The following MMP26 variants were observed in gnomAD, a reference collection of about 807,000 sequenced individuals.
MMP26 encodes matrix metallopeptidase 26, also known as matrix metalloproteinase-26.
A neutral mutation model predicts 31.0 loss-of-function variants in MMP26; 33 were observed. The ratio of observed to expected loss-of-function variants is 1.06; its 90% CI spans 0.81 to 1.42. The LOEUF (loss-of-function observed/expected upper bound fraction) is 1.42, where lower values mean the gene tolerates loss of function less well. Among genes scored for constraint, MMP26 ranks in the 40% most tolerant of loss-of-function variants. The probability of loss-of-function intolerance (pLI) is 0.00; values close to 1 mark genes in which losing one functional copy is unlikely to be tolerated. For synonymous variants in MMP26, 122 were observed against 114.9 expected (o/e 1.06, Z -0.40); for missense variants, 347 against 316.1 (o/e 1.10, Z -0.74).
At chr11:4,775,492 T>C (rs934520799) in intron 2 of MMP26, among the ~76,000 whole-genome samples, 1 of 152,204 alleles carries the variant, frequency 6.6e-6, no homozygotes, top group African/African-American at 2.4e-5. Flanking sequence ...CTCAATGATA[T>C]ATCATATGTA....
intron 2 of MMP26, among the ~76,000 whole-genome samples, chr11:4,825,992 A>G (rs571731961): frequency 6.6e-6 from 1 of 152,240 alleles, no homozygotes; most frequent in South Asian, 2.1e-4. Flanking sequence ...TAGCTTGTTA[A>G]AGAGAGTTAT....
rs1219662371 is a variant in MMP26 at position 4,953,739 on chromosome 11, C to G, written c.-144-34329C>G. 1.6e-4 allele frequency among the ~76,000 whole-genome samples: 20 copies of G among 124,866 alleles called. 4 individuals are homozygous for G. Among genetic ancestry groups the G allele is most frequent in the African/African-American group, 5.4e-4 (20 of 36,724 alleles). 81.9% of individuals were successfully genotyped at this position (124,866 alleles called of 152,430 possible). A position where few individuals can be genotyped will look rare whatever the true frequency, so the allele number is the denominator to read the frequency against. The stretch of plus-strand genomic sequence containing the variant: ...TTGAACAAGTAGAAAGGGTCCAGCT[C>G]ATGTAGGGTCTCGGAATATGTTCTT... On this transcript the variant is annotated intron_variant, in intron 2 of 7. Coordinates refer to ENST00000380390, the MANE Select transcript of MMP26 (RefSeq NM_021801.5).
chr11:4,740,707 A>G (rs547043844), intron 1 of MMP26, among the ~76,000 whole-genome samples: 7 of 151,224 alleles, frequency 4.6e-5, no homozygotes, highest in Non-Finnish European at 8.8e-5. Flanking sequence ...AAGAAACTAT[A>G]TTTTGGCTTT....
intron 2 of MMP26, among the ~76,000 whole-genome samples, chr11:4,783,779 G>C (rs1320397712): frequency 6.6e-6 from 1 of 152,156 alleles, no homozygotes; most frequent in Non-Finnish European, 1.5e-5. Flanking sequence ...TAGTGAATAA[G>C]TCTCACAAGA....
At chr11:4,834,137 C>T (rs1849684855) in intron 2 of MMP26, among the ~76,000 whole-genome samples, 1 of 152,252 alleles carries the variant, frequency 6.6e-6, no homozygotes, top group East Asian at 1.9e-4. Context: ...CTAGGCTCAA[C>T]ACAGCACTCT....
rs1272142303 is a variant in MMP26 at position 4,704,810 on chromosome 11, CTA to C, written c.-450_-449del. The C allele has an allele frequency of 1.3e-5, 2 of 152,116 alleles. No homozygotes were observed. Among genetic ancestry groups the C allele is most frequent in the African/African-American group, 4.8e-5 (2 of 41,388 alleles). 9.4% of individuals were successfully genotyped at this position (152,116 alleles called of 1,614,324 possible). A position where few individuals can be genotyped will look rare whatever the true frequency, so the allele number is the denominator to read the frequency against. ...GTTCTCCTATTCCTGAATTTTTTCC[CTA>C]TGTTTTCTCCTGGCAGAAGAGGACC... is the stretch of plus-strand genomic sequence containing the variant. On this transcript the variant is annotated 5_prime_UTR_variant, in exon 1 of 8. It removes an upstream start codon present in the reference 5' UTR. Coordinates refer to ENST00000380390, the MANE Select transcript of MMP26 (RefSeq NM_021801.5).
At chr11:4,915,145 A>G (rs754613309) in intron 2 of MMP26, 21 of 1,614,012 alleles carry the variant, frequency 1.3e-5, no homozygotes, top group South Asian at 2.2e-5. Context: ...GGGAGCCACA[A>G]TAGGGGAATC....
At chr11:4,735,328 G>A (rs1181561935) in intron 1 of MMP26, among the ~76,000 whole-genome samples, 1 of 152,156 alleles carries the variant, frequency 6.6e-6, no homozygotes, top group Non-Finnish European at 1.5e-5. Flanking sequence ...ATGTGTGTGT[G>A]TATATATCTA....
In MMP26 at chr11:4,727,124, A is replaced by G. The variant is rs1205581791; in HGVS notation, c.-217+22079A>G. Among the ~76,000 whole-genome samples, 4 of 152,154 alleles carry G rather than the reference A, an allele frequency of 2.6e-5. No individual in the cohort carries two copies. The East Asian group carries it at 7.7e-4, about 29-fold the overall frequency. On this transcript the variant is annotated intron_variant, in intron 1 of 7. Transcript: ENST00000380390. ...CTTGTCAACATTTTTATCCAAGGGT[A>G]AGAAAAAAATGTTTTCCACTGAGTA...
intron 2 of MMP26, chr11:4,821,618 C>G: frequency 6.2e-7 from 1 of 1,613,972 alleles, no homozygotes; most frequent in African/African-American, 1.3e-5. Flanking sequence ...TATTTCCTCT[C>G]TATGCTTTCA....
intron 2 of MMP26, among the ~76,000 whole-genome samples, chr11:4,856,309 G>A (rs1850052497): frequency 6.6e-6 from 1 of 152,190 alleles, no homozygotes; most frequent in African/African-American, 2.4e-5. Context: ...CCATCAGTGT[G>A]CTGTATTCAG....
chr11:4,844,714 C>A (rs543489544), intron 2 of MMP26, among the ~76,000 whole-genome samples: 1 of 152,052 alleles, frequency 6.6e-6, no homozygotes, highest in Non-Finnish European at 1.5e-5. Context: ...ATTCAACACC[C>A]CTTCATAATA....
At chr11:4,903,626 T>G (rs181447841) in intron 2 of MMP26, among the ~76,000 whole-genome samples, 1 of 152,102 alleles carries the variant, frequency 6.6e-6, no homozygotes, top group Non-Finnish European at 1.5e-5. Flanking sequence ...TAAGGTACAA[T>G]GAATACAAAG....
intron 2 of MMP26, among the ~76,000 whole-genome samples, chr11:4,800,203 T>C (rs1849162950): frequency 6.6e-6 from 1 of 152,250 alleles, no homozygotes; most frequent in African/African-American, 2.4e-5. Flanking sequence ...GTTCTTCCCC[T>C]GCAGCAGGCT....
intron 2 of MMP26, among the ~76,000 whole-genome samples, chr11:4,917,652 C>T (rs1851118471): frequency 1.3e-5 from 2 of 152,152 alleles, no homozygotes; most frequent in Admixed American, 1.3e-4. Flanking sequence ...GTGGTTACCA[C>T]ATTACATATC....
intron 1 of MMP26, among the ~76,000 whole-genome samples, chr11:4,712,843 T>G (rs1174264161): frequency 6.6e-6 from 1 of 152,014 alleles, no homozygotes; most frequent in Non-Finnish European, 1.5e-5. Context: ...TATCTCTTAT[T>G]TTTCCCTACT....
At chr11:4,814,185 G>A (rs143643048) in intron 2 of MMP26, among the ~76,000 whole-genome samples, 7 of 152,248 alleles carry the variant, frequency 4.6e-5, no homozygotes, top group African/African-American at 1.7e-4. Flanking sequence ...CTCATAAGTT[G>A]AATCTCTTGC....
intron 2 of MMP26, among the ~76,000 whole-genome samples, chr11:4,867,597 G>C (rs1365318682): frequency 6.6e-6 from 1 of 151,854 alleles, no homozygotes; most frequent in Non-Finnish European, 1.5e-5. Flanking sequence ...CACCATGTTG[G>C]CTAAGCTGGT....
At chr11:4,967,654 C>T (rs1040219402) in intron 2 of MMP26, among the ~76,000 whole-genome samples, 26 of 152,228 alleles carry the variant, frequency 1.7e-4, no homozygotes, top group African/African-American at 6.0e-4. Flanking sequence ...GTCAACCTTG[C>T]TTCCTTATAT....
Sources: allele counts gnomAD v4.1 joint callset (sites outside exome capture counted in the v4.1 genomes callset), GRCh38; gene constraint gnomAD v4.1.1; transcripts MANE v1.5; gene names NCBI Gene and HGNC (gene_info 2026-07-23, HGNC 2026-07-21).